The following AGMO variants were observed in gnomAD, a reference collection of about 807,000 sequenced individuals.
AGMO encodes alkylglycerol monooxygenase.
AGMO carries 75 observed loss-of-function variants against 60.2 expected under a neutral mutation model. That is an observed-to-expected ratio of 1.25 (90% CI 1.03 to 1.51). The LOEUF (loss-of-function observed/expected upper bound fraction) is 1.51, where lower values mean the gene tolerates loss of function less well. Among genes scored for constraint, AGMO ranks in the 40% most tolerant of loss-of-function variants. The pLI, the probability that AGMO is intolerant of heterozygous loss-of-function variation, is 0.00. For synonymous variants in AGMO, 261 were observed against 177.1 expected (o/e 1.47, Z -3.76); for missense variants, 763 against 525.5 (o/e 1.45, Z -4.42).
At chr7:15,511,339 C>G (rs534710740) in intron 3 of AGMO, among the ~76,000 whole-genome samples, 36 of 152,250 alleles carry the variant, frequency 2.4e-4, no homozygotes, top group African/African-American at 6.7e-4. Context: ...GAAAAACATG[C>G]AAACTCCTCA....
chr7:15,238,591 CATTTT>C (rs1363533057), intron 12 of AGMO, among the ~76,000 whole-genome samples: 1 of 151,116 alleles, frequency 6.6e-6, no homozygotes, highest in Non-Finnish European at 1.5e-5. Context: ...TTTAATTTTT[CATTTT>C]ATTAATAATT....
chr7:15,135,114 A>G, the AGMO span, among the ~76,000 whole-genome samples: 4 of 151,454 alleles, frequency 2.6e-5, no homozygotes, highest in African/African-American at 7.3e-5. Flanking sequence ...GTATATGCAT[A>G]TAAGTGGAGA....
At chr7:15,273,403 G>C (rs1243901221) in intron 12 of AGMO, among the ~76,000 whole-genome samples, 2 of 152,030 alleles carry the variant, frequency 1.3e-5, no homozygotes, top group Non-Finnish European at 2.9e-5. Context: ...CTCATTTCTT[G>C]TTTTTGTCAG....
chr7:15,219,717 A>ATC (rs1174954547), intron 12 of AGMO, among the ~76,000 whole-genome samples: 7 of 152,146 alleles, frequency 4.6e-5, no homozygotes, highest in Non-Finnish European at 7.4e-5. Flanking sequence ...TTAGGACACC[A>ATC]TCTCAGTAAG....
chr7:15,136,549 T>C, the AGMO span, among the ~76,000 whole-genome samples: 136 of 152,280 alleles, frequency 8.9e-4, no homozygotes, highest in Middle Eastern at 3.4e-3. Flanking sequence ...TCTTCACTAA[T>C]AGTGTGTTGG....
intron 3 of AGMO, among the ~76,000 whole-genome samples, chr7:15,527,477 G>T (rs1784157075): frequency 6.6e-6 from 1 of 152,140 alleles, no homozygotes; most frequent in Admixed American, 6.5e-5. Context: ...AGTAAAGCTT[G>T]AAGTTAGCAG....
At chr7:15,411,304 C>G (rs1374861679) in intron 5 of AGMO, among the ~76,000 whole-genome samples, 1 of 151,880 alleles carries the variant, frequency 6.6e-6, no homozygotes, top group Non-Finnish European at 1.5e-5. Flanking sequence ...GTTATTGCAA[C>G]AGAAAACAGA....
At chr7:15,301,602 T>C (rs1784561095) in intron 12 of AGMO, among the ~76,000 whole-genome samples, 1 of 152,064 alleles carries the variant, frequency 6.6e-6, no homozygotes, top group Non-Finnish European at 1.5e-5. Context: ...CAGATGAATA[T>C]GTAAGCAAAA....
intron 12 of AGMO, among the ~76,000 whole-genome samples, chr7:15,239,874 C>A (rs1782538186): frequency 6.6e-6 from 1 of 152,072 alleles, no homozygotes; most frequent in Non-Finnish European, 1.5e-5. Context: ...AAATGCAGAC[C>A]TTATGATTTT....
rs1193708426 is a variant in AGMO at position 15,296,267 on chromosome 7, G to T, written c.1263+69247C>A. Reference sequence around the variant, plus strand: ...TAGAGGTCCACTCTCTGCAAAAATAGACTTCTACGTAACTTCCATGTTATC... The same window carrying T: ...TAGAGGTCCACTCTCTGCAAAAATATACTTCTACGTAACTTCCATGTTATC... On this transcript the variant is annotated intron_variant, in intron 12 of 12. Transcript: ENST00000342526. Among the ~76,000 whole-genome samples the T allele has an allele frequency of 2.0e-5, 3 of 151,990 alleles. No individual in the cohort carries two copies. The East Asian group carries it at 5.8e-4, about 29-fold the overall frequency.
intron 3 of AGMO, among the ~76,000 whole-genome samples, chr7:15,528,891 G>A (rs1483806914): frequency 2.6e-5 from 4 of 151,998 alleles, no homozygotes; most frequent in Admixed American, 1.3e-4. Flanking sequence ...CAGGTGATCC[G>A]CTTGCCTCAG....
At chr7:15,257,768 A>G (rs1783139618) in intron 12 of AGMO, among the ~76,000 whole-genome samples, 1 of 152,224 alleles carries the variant, frequency 6.6e-6, no homozygotes, top group Non-Finnish European at 1.5e-5. Flanking sequence ...GGAAGGATTT[A>G]ATAGCTACTC....
At chr7:15,167,853 CA>C in the AGMO span, among the ~76,000 whole-genome samples, 4 of 152,184 alleles carry the variant, frequency 2.6e-5, no homozygotes, top group African/African-American at 9.7e-5. Flanking sequence ...GCTGTGTCCT[CA>C]AGGAACACTT....
At chr7:15,212,232 G>T (rs558837576) in intron 12 of AGMO, among the ~76,000 whole-genome samples, 1 of 144,212 alleles carries the variant, frequency 6.9e-6, no homozygotes, top group Non-Finnish European at 1.5e-5. Flanking sequence ...TATTTATTTA[G>T]TGTTAGGTGT....
chr7:15,301,554 T>TA (rs151210449), intron 12 of AGMO, among the ~76,000 whole-genome samples: 4,492 of 152,214 alleles, frequency 0.03, 243 homozygotes, highest in African/African-American at 0.1. Flanking sequence ...ATACATTTTC[T>TA]AAAACCAATA....
chr7:15,282,384 C>G (rs775985707), intron 12 of AGMO, among the ~76,000 whole-genome samples: 2 of 151,572 alleles, frequency 1.3e-5, no homozygotes, highest in Non-Finnish European at 2.9e-5. Flanking sequence ...ACAGAAAAAC[C>G]AATCAAGCTT....
At chr7:15,554,012 T>C (rs1205145256) in intron 2 of AGMO, among the ~76,000 whole-genome samples, 2 of 152,108 alleles carry the variant, frequency 1.3e-5, no homozygotes, top group East Asian at 1.9e-4. Context: ...TTTGATCCCC[T>C]TTTATTACAT....
At chr7:15,211,697 G>C (rs768420726) in intron 12 of AGMO, among the ~76,000 whole-genome samples, 1 of 151,658 alleles carries the variant, frequency 6.6e-6, no homozygotes, top group Non-Finnish European at 1.5e-5. Context: ...CCAAACTACT[G>C]TTTTGTTCTT....
At chr7:15,494,614 A>C (rs1216455058) in intron 3 of AGMO, among the ~76,000 whole-genome samples, 1 of 152,158 alleles carries the variant, frequency 6.6e-6, no homozygotes, top group Non-Finnish European at 1.5e-5. Flanking sequence ...CTGTGGTTGG[A>C]GCTTTAAGTA....
Sources: allele counts gnomAD v4.1 joint callset (sites outside exome capture counted in the v4.1 genomes callset), GRCh38; gene constraint gnomAD v4.1.1; transcripts MANE v1.5; gene names NCBI Gene and HGNC (gene_info 2026-07-23, HGNC 2026-07-21).